PRKG1: variants seen among roughly 807,000 people sequenced by gnomAD.
The protein encoded by PRKG1 is cGMP-dependent protein kinase 1.
A neutral mutation model predicts 88.1 loss-of-function variants in PRKG1; 35 were observed. The observed-to-expected ratio is 0.40, with a 90% CI of 0.30 to 0.53. The LOEUF is 0.53. PRKG1 is among the 20% of genes least tolerant of loss of function. The pLI is 0.59. For missense variants in PRKG1, 540 were observed against 839.8 expected, an observed-to-expected ratio of 0.64 and a Z score of 4.41; for synonymous variants, 303 against 292.5, an observed-to-expected ratio of 1.04 and a Z score of -0.37.
At chr10:52,112,012 C>G (rs1847575924) in intron 7 of PRKG1, among the ~76,000 whole-genome samples, 2 of 152,192 alleles carry the variant, frequency 1.3e-5, no homozygotes, top group Non-Finnish European at 2.9e-5. Flanking sequence ...TGACTGTAGA[C>G]CATCTTTCTG....
At chr10:51,901,467 T>C (rs1367085093) in intron 4 of PRKG1, among the ~76,000 whole-genome samples, 3 of 152,166 alleles carry the variant, frequency 2.0e-5, no homozygotes, top group Non-Finnish European at 4.4e-5. Context: ...TGCAGTGCAA[T>C]AATTTCTTTT....
chr10:51,558,457 A>G (rs1837370072), intron 3 of PRKG1, among the ~76,000 whole-genome samples: 1 of 152,082 alleles, frequency 6.6e-6, no homozygotes, highest in South Asian at 2.1e-4. Flanking sequence ...GTTGCATTAT[A>G]TCTACACTAT....
intron 1 of PRKG1, among the ~76,000 whole-genome samples, chr10:51,091,984 C>T (rs566114627): frequency 6.6e-6 from 1 of 152,270 alleles, no homozygotes; most frequent in African/African-American, 2.4e-5. Context: ...TGCTTTTCTA[C>T]AGCTTTACAG....
At chr10:51,567,169 T>G (rs1038313919) in intron 3 of PRKG1, among the ~76,000 whole-genome samples, 2 of 152,076 alleles carry the variant, frequency 1.3e-5, no homozygotes, top group African/African-American at 4.8e-5. Flanking sequence ...TACTGACATT[T>G]GCCATTCTGT....
chr10:51,752,513 A>G (rs1182321951), intron 3 of PRKG1, among the ~76,000 whole-genome samples: 1 of 152,202 alleles, frequency 6.6e-6, no homozygotes, highest in Non-Finnish European at 1.5e-5. Context: ...TCTGTTATTT[A>G]ATGACAAGAA....
intron 3 of PRKG1, among the ~76,000 whole-genome samples, chr10:51,768,680 G>T (rs573947187): frequency 1.3e-5 from 2 of 152,090 alleles, no homozygotes; most frequent in South Asian, 4.1e-4. Flanking sequence ...AACCCAGGAA[G>T]GTATAATGTA....
At chr10:51,298,718 G>A (rs926003509) in intron 2 of PRKG1, among the ~76,000 whole-genome samples, 1 of 152,168 alleles carries the variant, frequency 6.6e-6, no homozygotes, top group African/African-American at 2.4e-5. Flanking sequence ...CATGCCGATA[G>A]AATTAAAAAT....
At chr10:51,803,163 G>C (rs1839219216) in intron 3 of PRKG1, among the ~76,000 whole-genome samples, 1 of 152,078 alleles carries the variant, frequency 6.6e-6, no homozygotes, top group African/African-American at 2.4e-5. Context: ...TTGTAGAAAA[G>C]AGTCTGGAGG....
At chr10:51,495,387 A>T (rs1483842791) in intron 3 of PRKG1, among the ~76,000 whole-genome samples, 1 of 152,106 alleles carries the variant, frequency 6.6e-6, no homozygotes, top group African/African-American at 2.4e-5. Context: ...GAGCCACCGC[A>T]CCCGACCCTG....
intron 1 of PRKG1, among the ~76,000 whole-genome samples, chr10:51,094,590 T>G (rs1844484769): frequency 6.6e-6 from 1 of 152,094 alleles, no homozygotes; most frequent in African/African-American, 2.4e-5. Flanking sequence ...GAAAGATACA[T>G]GTAGAATGGA....
At chr10:51,108,768 GCT>G (rs1844909951) in intron 1 of PRKG1, among the ~76,000 whole-genome samples, 2 of 152,096 alleles carry the variant, frequency 1.3e-5, no homozygotes, top group African/African-American at 4.8e-5. Context: ...GGAGCTTCTA[GCT>G]AATGTGATAG....
intron 4 of PRKG1, among the ~76,000 whole-genome samples, chr10:51,858,480 T>C (rs1178104505): frequency 5.4e-5 from 7 of 128,882 alleles, no homozygotes; most frequent in African/African-American, 2.0e-4. Flanking sequence ...TTTCTTACAA[T>C]CTCAGCAAAA....
intron 2 of PRKG1, among the ~76,000 whole-genome samples, chr10:51,436,530 A>T (rs1467488889): frequency 1.3e-5 from 2 of 151,994 alleles, no homozygotes; most frequent in East Asian, 3.9e-4. Context: ...TAAGCAAGAC[A>T]TTTCAAGTTG....
chr10:51,573,106 C>T (rs1053613678), intron 3 of PRKG1, among the ~76,000 whole-genome samples: 1 of 151,862 alleles, frequency 6.6e-6, no homozygotes, highest in Non-Finnish European at 1.5e-5. Flanking sequence ...TAGCCTCATA[C>T]TATTTAGAAA....
At chr10:51,473,278 G>A (rs1481028218) in intron 3 of PRKG1, among the ~76,000 whole-genome samples, 4 of 151,788 alleles carry the variant, frequency 2.6e-5, no homozygotes, top group African/African-American at 9.7e-5. Flanking sequence ...ATGAACAAAT[G>A]TACATACAAA....
At chr10:52,118,483 A>T (rs1017892988) in intron 7 of PRKG1, among the ~76,000 whole-genome samples, 4 of 151,996 alleles carry the variant, frequency 2.6e-5, no homozygotes, top group African/African-American at 9.7e-5. Context: ...ATATTTTAAG[A>T]CCTTTAAAAT....
chr10:51,505,273 T>C (rs1285737044), intron 3 of PRKG1, among the ~76,000 whole-genome samples: 1 of 152,192 alleles, frequency 6.6e-6, no homozygotes, highest in African/African-American at 2.4e-5. Flanking sequence ...TGGATTATGT[T>C]TATTGATTTG....
chr10:52,220,036 C>T (rs1032511964), intron 9 of PRKG1, among the ~76,000 whole-genome samples: 1 of 152,026 alleles, frequency 6.6e-6, no homozygotes, highest in African/African-American at 2.4e-5. Context: ...TTCCAATATC[C>T]CATATTTTTA....
intron 3 of PRKG1, among the ~76,000 whole-genome samples, chr10:51,539,439 G>A (rs1842244312): frequency 6.6e-6 from 1 of 152,098 alleles, no homozygotes; most frequent in Non-Finnish European, 1.5e-5. Flanking sequence ...CAAAGATTGG[G>A]CATGAAGCAA....
Sources: gnomAD v4.1 joint callset for allele counts (sites outside exome capture counted in the v4.1 genomes callset) on GRCh38, gnomAD v4.1.1 for gene constraint, MANE v1.5 for transcripts, NCBI Gene and HGNC (gene_info 2026-07-23, HGNC 2026-07-21) for gene names.